PLCL1: variants seen among roughly 807,000 people sequenced by gnomAD.
PLCL1 encodes inactive phospholipase C-like protein 1.
In PLCL1, 41 loss-of-function variants were observed where a neutral mutation model predicts 84.4. That is an observed-to-expected ratio of 0.49 (90% CI 0.38 to 0.63). The LOEUF (loss-of-function observed/expected upper bound fraction) is 0.63, where lower values mean the gene tolerates loss of function less well. Ranked by LOEUF, PLCL1 falls within the 30% of genes least tolerant of loss-of-function variation. The pLI, the probability that PLCL1 is intolerant of heterozygous loss-of-function variation, is 0.00. For missense variants in PLCL1, 1,206 were observed against 1,367.8 expected (o/e 0.88, Z 1.87); for synonymous variants, 490 against 488.3 (o/e 1.00, Z -0.05).
At chr2:197,912,033 G>A (rs1048695142) in intron 1 of PLCL1, among the ~76,000 whole-genome samples, 1 of 152,140 alleles carries the variant, frequency 6.6e-6, no homozygotes, top group Non-Finnish European at 1.5e-5. Context: ...AAATACATTT[G>A]AGTCACAGCA....
At chr2:197,857,162 A>G (rs931402277) in intron 1 of PLCL1, among the ~76,000 whole-genome samples, 1 of 152,020 alleles carries the variant, frequency 6.6e-6, no homozygotes, top group Admixed American at 6.6e-5. Flanking sequence ...TTTAAAAAAA[A>G]GAGAATGAAC....
chr2:198,142,797 C>T (rs988841677), intron 5 of PLCL1, among the ~76,000 whole-genome samples: 3 of 144,170 alleles, frequency 2.1e-5, no homozygotes, highest in Non-Finnish European at 4.6e-5. Context: ...GCATCCTTCT[C>T]TTTTTTTTTT....
intron 5 of PLCL1, 127 bp from the exon 6 acceptor site, chr2:198,146,653 A>G: frequency 2.9e-6 from 2 of 698,100 alleles, no homozygotes; most frequent in South Asian, 6.5e-5. Flanking sequence ...ACCCTGGAAA[A>G]GTGAGCTTGC....
At chr2:198,140,043 C>T (rs1694347783) in intron 5 of PLCL1, among the ~76,000 whole-genome samples, 1 of 152,016 alleles carries the variant, frequency 6.6e-6, no homozygotes, top group Non-Finnish European at 1.5e-5. Flanking sequence ...AAGCAATTTT[C>T]CTGCCTCAGC....
chr2:198,077,897 A>G lies in PLCL1; in HGVS notation c.241-5861A>G, dbSNP rs1308844347. On this transcript the variant is annotated intron_variant, in intron 1 of 5. Coordinates refer to ENST00000428675, the MANE Select transcript of PLCL1 (RefSeq NM_006226.4). ...GAAGTCATCCTTTACTCAGTCAAGA[A>G]GTTGTTTTACCTCATGTTTCTTGAT... Among the ~76,000 whole-genome samples the G allele has an allele frequency of 7.2e-5, 11 of 152,190 alleles. No homozygotes were observed. The East Asian group carries it at 1.2e-3, about 16-fold the overall frequency.
intron 1 of PLCL1, among the ~76,000 whole-genome samples, chr2:197,848,686 A>C (rs1200345720): frequency 6.6e-6 from 1 of 152,188 alleles, no homozygotes; most frequent in Non-Finnish European, 1.5e-5. Flanking sequence ...AACTAGAACA[A>C]ACGGCTTTAA....
At chr2:198,110,768 G>C (rs1693599713) in intron 5 of PLCL1, among the ~76,000 whole-genome samples, 1 of 151,836 alleles carries the variant, frequency 6.6e-6, no homozygotes, top group African/African-American at 2.4e-5. Context: ...TTTGGGGGCT[G>C]CCTGAGGGTA....
At chr2:198,146,305 T>G in intron 5 of PLCL1, among the ~76,000 whole-genome samples, 1 of 152,150 alleles carries the variant, frequency 6.6e-6, no homozygotes, top group East Asian at 1.9e-4. Context: ...AGCATAAGGG[T>G]ATGTGACTTA....
chr2:198,070,426 A>G (rs1318484834), intron 1 of PLCL1, among the ~76,000 whole-genome samples: 1 of 152,078 alleles, frequency 6.6e-6, no homozygotes, highest in Non-Finnish European at 1.5e-5. Context: ...TTTCATTCAA[A>G]TTGATTGTTT....
intron 5 of PLCL1, among the ~76,000 whole-genome samples, chr2:198,146,509 A>G (rs1468465071): frequency 6.6e-6 from 1 of 152,176 alleles, no homozygotes; most frequent in Non-Finnish European, 1.5e-5. Context: ...CAGCACATAA[A>G]GAGGAGGATT....
chr2:198,083,438 T>C (rs1692770065), intron 1 of PLCL1, among the ~76,000 whole-genome samples: 1 of 152,218 alleles, frequency 6.6e-6, no homozygotes. Flanking sequence ...TATTGGGAAT[T>C]GAGCTAGGTA....
chr2:197,957,050 T>C (rs1005531215), intron 1 of PLCL1, among the ~76,000 whole-genome samples: 2 of 152,110 alleles, frequency 1.3e-5, no homozygotes, highest in Admixed American at 1.3e-4. Context: ...CATAGGCATT[T>C]GCTTGTGCCA....
At chr2:197,879,476 T>C (rs1446518751) in intron 1 of PLCL1, among the ~76,000 whole-genome samples, 1 of 152,174 alleles carries the variant, frequency 6.6e-6, no homozygotes. Context: ...TTCTGGAATT[T>C]GATGATAAAA....
chr2:197,927,750 GT>G (rs1041139995), intron 1 of PLCL1, among the ~76,000 whole-genome samples: 26 of 152,158 alleles, frequency 1.7e-4, no homozygotes, highest in African/African-American at 6.0e-4. Context: ...TGATTCAAGT[GT>G]GCATGGGTGA....
chr2:197,984,993 T>G (rs186318811), intron 1 of PLCL1, among the ~76,000 whole-genome samples: 24 of 152,208 alleles, frequency 1.6e-4, no homozygotes, highest in African/African-American at 5.1e-4. Context: ...CAGGCTGGAA[T>G]GCAGTGGTGC....
At chr2:197,843,223 A>G (rs977865151) in intron 1 of PLCL1, among the ~76,000 whole-genome samples, 1 of 152,178 alleles carries the variant, frequency 6.6e-6, no homozygotes, top group African/African-American at 2.4e-5. Flanking sequence ...TCGACTAGTA[A>G]TGACCATCAT....
intron 1 of PLCL1, among the ~76,000 whole-genome samples, chr2:197,846,731 C>T (rs1687126081): frequency 6.6e-6 from 1 of 151,846 alleles, no homozygotes; most frequent in Non-Finnish European, 1.5e-5. Flanking sequence ...TTCACCCAGG[C>T]AAGAAAAAGT....
intron 1 of PLCL1, among the ~76,000 whole-genome samples, chr2:197,939,661 A>G (rs1331150271): frequency 2.7e-5 from 4 of 146,708 alleles, no homozygotes; most frequent in African/African-American, 7.6e-5. Flanking sequence ...TTTTTACATA[A>G]CCCATCTCCA....
intron 1 of PLCL1, among the ~76,000 whole-genome samples, chr2:197,998,175 ATGTGTGTGTGTGTGTG>A (rs58332002): frequency 0.013 from 1,748 of 131,962 alleles, 44 homozygotes; most frequent in African/African-American, 0.045. Context: ...GAATGGAGCT[ATGTGTGTGTGTGTGTG>A]TGTGTGTGTG....
Sources: allele counts gnomAD v4.1 joint callset (sites outside exome capture counted in the v4.1 genomes callset), GRCh38; gene constraint gnomAD v4.1.1; transcripts MANE v1.5; gene names NCBI Gene and HGNC (gene_info 2026-07-23, HGNC 2026-07-21).